Variants in TBC1D15 observed in about 807,000 individuals in gnomAD.
TBC1D15 encodes the protein GAP for RAB7.
TBC1D15 carries 39 observed loss-of-function variants against 95.4 expected under a neutral mutation model. The observed-to-expected ratio is 0.41, with a 90% CI of 0.32 to 0.53. The LOEUF is 0.53. Ranked by LOEUF, TBC1D15 falls within the 20% of genes least tolerant of loss-of-function variation. TBC1D15 has a pLI of 0.29. For missense variants in TBC1D15, 733 were observed against 794.3 expected, an observed-to-expected ratio of 0.92 and a Z score of 0.93; for synonymous variants, 258 against 261.3, an observed-to-expected ratio of 0.99 and a Z score of 0.12.
chr12:71,916,790 C>G (rs564636148), intron 12 of TBC1D15, among the ~76,000 whole-genome samples: 2 of 152,190 alleles, frequency 1.3e-5, no homozygotes, highest in East Asian at 3.9e-4. Context: ...AGGGAGTCTA[C>G]TCAACTATGA....
At chr12:71,876,665 G>T (rs1011203580) in intron 3 of TBC1D15, among the ~76,000 whole-genome samples, 1 of 152,036 alleles carries the variant, frequency 6.6e-6, no homozygotes, top group Non-Finnish European at 1.5e-5. Context: ...GAAAAAGAGT[G>T]CATGGGAACA....
chr12:71,881,642 G>A (rs1194035112), intron 4 of TBC1D15, among the ~76,000 whole-genome samples: 3 of 152,146 alleles, frequency 2.0e-5, no homozygotes, highest in Non-Finnish European at 2.9e-5. Flanking sequence ...TAAAGGCCGG[G>A]CGCGGTGGCT....
At chr12:71,875,923 G>A (rs1462698194) in intron 3 of TBC1D15, among the ~76,000 whole-genome samples, 4 of 151,746 alleles carry the variant, frequency 2.6e-5, no homozygotes, top group East Asian at 1.9e-4. Flanking sequence ...TCAGCCTCTC[G>A]AGTAGCTGGG....
At position 71,870,957 on chromosome 12, in the gene TBC1D15, T is replaced by C. The variant is rs1489122240; in HGVS notation, c.31-1113T>C. 2.0e-5 allele frequency among the ~76,000 whole-genome samples: 3 copies of C among 152,182 alleles called. No homozygotes were observed. In the East Asian group the frequency reaches 5.8e-4, roughly 29 times the overall value. On this transcript the variant is annotated intron_variant, in intron 1 of 16. Transcript: ENST00000485960. The stretch of plus-strand genomic sequence containing the variant: ...ACCCATGATATTCTGAAGACTAATA[T>C]TAATAAAAGGTCTACAGAAATAGAA...
rs908046018 is a variant in TBC1D15, at chr12:71,890,851, T to A, written c.555-2371T>A. Among the ~76,000 whole-genome samples, 2 of 152,222 alleles carry A rather than the reference T, an allele frequency of 1.3e-5. 1 individual carries two copies. Among genetic ancestry groups the A allele is most frequent in the Admixed American group, 1.3e-4 (2 of 15,282 alleles). On this transcript the variant is annotated intron_variant, in intron 5 of 16. Coordinates refer to ENST00000485960, the MANE Select transcript of TBC1D15 (RefSeq NM_001146213.3). The stretch of plus-strand genomic sequence containing the variant: ...TATGATATTCACTTGGATAAAAGAA[T>A]CAGCTACAAATACATTTTTCTTACC...
chr12:71,863,059 C>T (rs1348909266), intron 1 of TBC1D15, among the ~76,000 whole-genome samples: 1 of 152,084 alleles, frequency 6.6e-6, no homozygotes, highest in East Asian at 1.9e-4. Context: ...CTCATACTGT[C>T]CTGGCCTATA....
At chr12:71,882,805 T>G (rs1351279156) in intron 4 of TBC1D15, among the ~76,000 whole-genome samples, 4 of 152,208 alleles carry the variant, frequency 2.6e-5, no homozygotes, top group Admixed American at 2.6e-4. Flanking sequence ...CCTGTTCTCA[T>G]GAAGCTTTTA....
intron 5 of TBC1D15, among the ~76,000 whole-genome samples, chr12:71,888,441 G>T (rs1896647939): frequency 6.7e-6 from 1 of 149,934 alleles, no homozygotes; most frequent in Non-Finnish European, 1.5e-5. Context: ...ACTCCATCCA[G>T]CCTAGGCGAC....
chr12:71,918,540 T>C lies in TBC1D15; in HGVS notation c.1591T>C (p.Leu531=). Residue 531 remains leucine, a synonymous_variant, in exon 14 of 17, where the codon TTA becomes CTA. Coordinates refer to ENST00000485960, the MANE Select transcript of TBC1D15 (RefSeq NM_001146213.3). ...REFSFLDILR[L]WEVMWTELPC... Reference sequence around the variant, plus strand: ...ATTTAGTTTTCTAGATATTCTTCGATTATGGGAGGTAAGTCCTTAAATTAT... The same window carrying C: ...ATTTAGTTTTCTAGATATTCTTCGACTATGGGAGGTAAGTCCTTAAATTAT... 1.3e-6 allele frequency: 2 copies of C among 1,577,696 alleles called. No homozygotes were observed. Among genetic ancestry groups the C allele is most frequent in the Non-Finnish European group, 1.7e-6 (2 of 1,154,848 alleles).
chr12:71,859,716 T>G (rs1889962045), intron 1 of TBC1D15, among the ~76,000 whole-genome samples: 1 of 152,174 alleles, frequency 6.6e-6, no homozygotes, highest in Non-Finnish European at 1.5e-5. Flanking sequence ...CAAGCGATTC[T>G]TCTGCCTCAG....
chr12:71,865,411 G>T (rs1251528916), intron 1 of TBC1D15, among the ~76,000 whole-genome samples: 1 of 152,130 alleles, frequency 6.6e-6, no homozygotes, highest in East Asian at 1.9e-4. Context: ...TACAGTTCAG[G>T]AATCTGAGCC....
chr12:71,903,922 G>T (rs1426949520), intron 10 of TBC1D15, among the ~76,000 whole-genome samples: 2 of 152,138 alleles, frequency 1.3e-5, no homozygotes, highest in African/African-American at 4.8e-5. Flanking sequence ...TTACCTGAGC[G>T]GCAAAGCTAT....
At chr12:71,910,338 A>G (rs7975561) in intron 11 of TBC1D15, among the ~76,000 whole-genome samples, 27,235 of 139,392 alleles carry the variant, frequency 0.2, 3,296 homozygotes, top group African/African-American at 0.35. Context: ...TTGACTTGGC[A>G]ATGCAGGCTC....
At chr12:71,894,364 C>G (rs772116602) in intron 6 of TBC1D15, 1 of 1,612,862 alleles carries the variant, frequency 6.2e-7, no homozygotes, top group Non-Finnish European at 8.5e-7. Context: ...GTGGGCCATT[C>G]ACCACTGGAA....
intron 1 of TBC1D15, among the ~76,000 whole-genome samples, chr12:71,845,606 C>T (rs1180684229): frequency 6.6e-6 from 1 of 152,206 alleles, no homozygotes; most frequent in Non-Finnish European, 1.5e-5. Flanking sequence ...TTAGGATGCT[C>T]AGTCTCGCAT....
At chr12:71,868,960 A>AT (rs199667816) in intron 1 of TBC1D15, 1 of 152,104 alleles carries the variant, frequency 6.6e-6, no homozygotes, top group African/African-American at 2.4e-5. Context: ...ACTTGAGAAT[A>AT]TTTTTTCTCA....
chr12:71,877,501 TTCCTTC>T (rs1894160850), intron 3 of TBC1D15, among the ~76,000 whole-genome samples: 1,508 of 63,456 alleles, frequency 0.024, 43 homozygotes, highest in African/African-American at 0.052. Context: ...CTGTTTTTCC[TTCCTTC>T]CTTCCTTCCT....
At chr12:71,886,354 G>T (rs548800944) in intron 5 of TBC1D15, among the ~76,000 whole-genome samples, 29 of 152,282 alleles carry the variant, frequency 1.9e-4, no homozygotes, top group African/African-American at 6.7e-4. Context: ...TTTTTTAGTA[G>T]AGACAGAGTT....
chr12:71,866,557 T>C (rs1891546809), intron 1 of TBC1D15, among the ~76,000 whole-genome samples: 1 of 152,206 alleles, frequency 6.6e-6, no homozygotes, highest in Non-Finnish European at 1.5e-5. Flanking sequence ...ATCCTGAGTT[T>C]CTGTGTGCTC....
Sources: allele counts gnomAD v4.1 joint callset (sites outside exome capture counted in the v4.1 genomes callset), GRCh38; gene constraint gnomAD v4.1.1; transcripts MANE v1.5; gene names NCBI Gene and HGNC (gene_info 2026-07-23, HGNC 2026-07-21).